The following ZFHX3 variants were observed in gnomAD, a reference collection of about 807,000 sequenced individuals.
The protein encoded by ZFHX3 is zinc finger homeobox protein 3.
A neutral mutation model predicts 279.1 loss-of-function variants in ZFHX3; 42 were observed. The ratio of observed to expected loss-of-function variants is 0.15; its 90% confidence interval spans 0.12 to 0.19. The LOEUF (loss-of-function observed/expected upper bound fraction) is 0.19. ZFHX3 is among the 10% of genes least tolerant of loss of function. The probability of loss-of-function intolerance (pLI) is 1.00; values close to 1 mark genes in which losing one functional copy is unlikely to be tolerated. For missense variants in ZFHX3, 4,981 were observed against 4,754.0 expected, an observed-to-expected ratio of 1.05 and a Z score of -1.40; for synonymous variants, 2,293 against 1,957.8, an observed-to-expected ratio of 1.17 and a Z score of -4.52.
rs72799487 is a variant in ZFHX3, at chr16:73,463,570, G to A, written c.-1546-7312C>T. 5.0e-3 allele frequency among the ~76,000 whole-genome samples: 765 copies of A among 152,062 alleles called. 10 individuals are homozygous for A. The highest frequency in any genetic ancestry group is 7.2e-3 in the Non-Finnish European group (490 of 67,986). ...CCCTCCTGCCGTTTCCCTTCTTTTC[G>A]TTATCTCTTCTTTTCTCTGCTCATT... is the stretch of plus-strand genomic sequence containing the variant. On this transcript the variant is annotated intron_variant, in intron 2 of 17. Coordinates refer to the ZFHX3 transcript ENST00000641206.
At position 73,734,268 on chromosome 16, in the gene ZFHX3, C is replaced by A. The variant is rs115155425; in HGVS notation, c.-1607-54028G>T. ...CCATGGCCCAGGGTTAGGGGATGGACTTTTGGAATATCTCAAATTGCCAAA... is the reference window on the plus strand; with the variant it reads ...CCATGGCCCAGGGTTAGGGGATGGAATTTTGGAATATCTCAAATTGCCAAA... On this transcript the variant is annotated intron_variant, in intron 1 of 17. Coordinates refer to the ZFHX3 transcript ENST00000641206. Among the ~76,000 whole-genome samples the A allele has an allele frequency of 2.2e-3, 333 of 152,242 alleles. 1 individual carries two copies. Among genetic ancestry groups the A allele is most frequent in the African/African-American group, 7.5e-3 (311 of 41,538 alleles).
chr16:73,050,776 T>G (rs1025517298), upstream of ZFHX3, among the ~76,000 whole-genome samples: 3 of 152,148 alleles, frequency 2.0e-5, no homozygotes, highest in Non-Finnish European at 4.4e-5. Flanking sequence ...AAACCCACTC[T>G]CAGAAAAGGC....
intron 4 of ZFHX3, among the ~76,000 whole-genome samples, chr16:73,274,336 T>A (rs540933718): frequency 6.6e-6 from 1 of 152,236 alleles, no homozygotes; most frequent in Non-Finnish European, 1.5e-5. Context: ...CATATTTGTT[T>A]GGTCAGCATT....
At chr16:73,439,021 AG>A (rs1304399119) in intron 3 of ZFHX3, among the ~76,000 whole-genome samples, 2 of 152,240 alleles carry the variant, frequency 1.3e-5, no homozygotes, top group Non-Finnish European at 2.9e-5. Flanking sequence ...GATTTGGACA[AG>A]AGCAGCACAT....
Position 72,875,159 on chromosome 16 carries a change from G to C in ZFHX3, c.3448+14572C>G, listed in dbSNP as rs986779434. ...AAGAAAACTGCCCCTTACTGGCTCA[G>C]GGAACTCCCATAGAGAATTCCCATA... On this transcript the variant is annotated intron_variant, in intron 4 of 9. Transcript: ENST00000268489. Among the ~76,000 whole-genome samples, 5 of 152,318 alleles carry C rather than the reference G, an allele frequency of 3.3e-5. No individual in the cohort carries two copies. The East Asian group carries it at 7.7e-4, about 24-fold the overall frequency.
chr16:73,266,930 T>A (rs1185409427), intron 4 of ZFHX3, among the ~76,000 whole-genome samples: 1 of 152,224 alleles, frequency 6.6e-6, no homozygotes. Flanking sequence ...TATGTCTTTA[T>A]CAGCAGCATG....
intron 3 of ZFHX3, among the ~76,000 whole-genome samples, chr16:73,398,707 C>T (rs1387101679): frequency 6.6e-6 from 1 of 152,214 alleles, no homozygotes; most frequent in East Asian, 1.9e-4. Context: ...CAGATGCCAT[C>T]TGACTCATTT....
At chr16:73,014,900 G>C (rs1421540623) in intron 1 of ZFHX3, 1 of 151,958 alleles carries the variant, frequency 6.6e-6, no homozygotes, top group African/African-American at 2.4e-5. Context: ...CAGAAGCAGG[G>C]GTGTCCCTGA....
At chr16:73,236,286 A>T (rs1162527953) in intron 5 of ZFHX3, among the ~76,000 whole-genome samples, 1 of 152,166 alleles carries the variant, frequency 6.6e-6, no homozygotes, top group Non-Finnish European at 1.5e-5. Context: ...GCATGATGTA[A>T]TGCCATCTTT....
chr16:73,601,013 CA>C (rs11345378), intron 2 of ZFHX3, among the ~76,000 whole-genome samples: 117,730 of 145,870 alleles, frequency 0.81, 47,565 homozygotes, highest in East Asian at 0.99. Flanking sequence ...TTTTGTTTCT[CA>C]AAAAAAAAAA....
At chr16:73,183,554 G>A (rs901549547) in intron 5 of ZFHX3, among the ~76,000 whole-genome samples, 1 of 152,180 alleles carries the variant, frequency 6.6e-6, no homozygotes, top group Non-Finnish European at 1.5e-5. Flanking sequence ...CCTTGTTCAC[G>A]GCTGTCACTG....
At chr16:73,026,708 G>A (rs1284995769) in intron 1 of ZFHX3, among the ~76,000 whole-genome samples, 3 of 145,182 alleles carry the variant, frequency 2.1e-5, no homozygotes, top group Non-Finnish European at 4.5e-5. Flanking sequence ...CATAGTAAAG[G>A]GTCTGCTCAT....
intron 1 of ZFHX3, among the ~76,000 whole-genome samples, chr16:73,822,191 G>A (rs1328822865): frequency 6.6e-6 from 1 of 152,118 alleles, no homozygotes; most frequent in African/African-American, 2.4e-5. Context: ...GTGGCCTTCT[G>A]GCATCTGTTT....
chr16:73,062,719 CAAAA>C (rs34849067), upstream of ZFHX3, among the ~76,000 whole-genome samples: 1 of 143,164 alleles, frequency 7.0e-6, no homozygotes, highest in African/African-American at 2.6e-5. Flanking sequence ...GACACAGAAG[CAAAA>C]AAAAAAAAGG....
chr16:73,508,193 C>T (rs1411967668), intron 2 of ZFHX3, among the ~76,000 whole-genome samples: 2 of 151,438 alleles, frequency 1.3e-5, no homozygotes, highest in East Asian at 3.9e-4. Flanking sequence ...GCCTCAATGC[C>T]ATCTGTGAAA....
intron 5 of ZFHX3, among the ~76,000 whole-genome samples, chr16:73,177,374 G>A: frequency 6.6e-6 from 1 of 152,206 alleles, no homozygotes; most frequent in South Asian, 2.1e-4. Flanking sequence ...CGGAACAAAA[G>A]AGAATACTAA....
rs767559419 is a variant in ZFHX3 at position 72,796,453 on chromosome 16, C to T, written c.6229G>A (p.Ala2077Thr). The T allele has an allele frequency of 1.2e-5, 19 of 1,598,776 alleles. No individual in the cohort carries two copies. In the South Asian group the frequency reaches 2.0e-4, roughly 17 times the overall value. The change falls in exon 9 of 10, where the codon GCA becomes ACA. Residue 2077 changes from alanine to threonine, a missense_variant. By Grantham distance (58) the Ala-to-Thr change is moderately conservative. Coordinates refer to ENST00000268489, the MANE Select transcript of ZFHX3 (RefSeq NM_006885.4). ...AGCGGCACTGATGGCTGGGCCGGTG[C>T]AATTGTAGGTGAGGTGATGGGTGGG... ...SAPPITSPTI[A>T]PAQPSVPLTQ...
At chr16:72,998,502 C>T (rs1255206327) in intron 1 of ZFHX3, among the ~76,000 whole-genome samples, 4 of 152,176 alleles carry the variant, frequency 2.6e-5, no homozygotes, top group African/African-American at 9.7e-5. Context: ...CAAACGTAAT[C>T]GATCTAGGTT....
At chr16:73,615,242 T>A (rs1306991521) in intron 2 of ZFHX3, among the ~76,000 whole-genome samples, 3 of 151,220 alleles carry the variant, frequency 2.0e-5, no homozygotes, top group African/African-American at 7.3e-5. Flanking sequence ...AAATGAACCA[T>A]GCATGTCCCG....
Sources: allele counts gnomAD v4.1 joint callset (sites outside exome capture counted in the v4.1 genomes callset), GRCh38; gene constraint gnomAD v4.1.1; transcripts MANE v1.5; gene names NCBI Gene and HGNC (gene_info 2026-07-23, HGNC 2026-07-21).